LPO: variants seen among roughly 807,000 people sequenced by gnomAD.
LPO encodes salivary peroxidase.
In LPO, 70 loss-of-function variants were observed where a neutral mutation model predicts 68.4. That is an observed-to-expected ratio of 1.02 (90% CI 0.84 to 1.25). LPO has a LOEUF of 1.25. Ranked by LOEUF, LPO falls within the 50% of genes most tolerant of loss-of-function variation. The probability of loss-of-function intolerance (pLI) is 0.00; values close to 1 mark genes in which losing one functional copy is unlikely to be tolerated. For synonymous variants in LPO, 360 were observed against 357.6 expected, an observed-to-expected ratio of 1.01 and a Z score of -0.08; for missense variants, 873 against 908.4, an observed-to-expected ratio of 0.96 and a Z score of 0.50.
intron 7 of LPO, chr17:58,251,837 G>A: frequency 3.5e-6 from 2 of 567,342 alleles, no homozygotes; most frequent in South Asian, 2.8e-5. Context: ...TAAATACATG[G>A]CAGCTGTTGT....
intron 8 of LPO, among the ~76,000 whole-genome samples, chr17:58,254,387 T>G (rs904315289): frequency 2.6e-5 from 4 of 152,054 alleles, no homozygotes; most frequent in African/African-American, 9.7e-5. Flanking sequence ...AAACCCGCAT[T>G]CCTAAAACCT....
At position 58,243,067 on chromosome 17, in the gene LPO, C is replaced by A. The variant is rs1489851069; in HGVS notation, c.76+12C>A. The A allele has an allele frequency of 1.9e-6, 3 of 1,613,394 alleles. No homozygotes were observed. Among genetic ancestry groups the A allele is most frequent in the Non-Finnish European group, 2.5e-6 (3 of 1,179,698 alleles). ...ATCTACCACAAGAGGTGAGTGTCTC[C>A]CTTTACGGGTTTTCTGGGGCTGCTG... is the stretch of plus-strand genomic sequence containing the variant. On this transcript the variant is annotated intron_variant, in intron 2 of 12. Coordinates refer to ENST00000262290, the MANE Select transcript of LPO (RefSeq NM_006151.3).
intron 9 of LPO, among the ~76,000 whole-genome samples, chr17:58,257,488 G>A (rs1404769851): frequency 6.6e-6 from 1 of 151,964 alleles, no homozygotes; most frequent in South Asian, 2.1e-4. Context: ...CTTTTTTATG[G>A]CTGAATAGTA....
chr17:58,266,316 TG>T lies in LPO; in HGVS notation c.1686del (p.Gln563AsnfsTer19). ...TCAACACACAGCGTTGCCGGGACCA[TG>T]GGCAACCTGGTGAGTGTCTGAAGTC... ...AINTQRCRDH[G>X]QPGYNSWRAF... is the part of the protein sequence containing the mutation. On this transcript the variant is annotated frameshift_variant, in exon 11 of 13. Coordinates refer to ENST00000262290, the MANE Select transcript of LPO (RefSeq NM_006151.3). LOFTEE classifies it high-confidence loss of function. 1.9e-6 allele frequency: 3 copies of T among 1,614,020 alleles called. No homozygotes were observed. The highest frequency in any genetic ancestry group is 2.5e-6 in the Non-Finnish European group (3 of 1,180,018).
At position 58,249,553 on chromosome 17, in the gene LPO, G is replaced by A. The variant is rs772152184; in HGVS notation, c.444-13G>A. On this transcript the variant is annotated splice_polypyrimidine_tract_variant and intron_variant, in intron 5 of 12. Coordinates refer to ENST00000262290, the MANE Select transcript of LPO (RefSeq NM_006151.3). The stretch of plus-strand genomic sequence containing the variant: ...GGCCTGCCGAAGCTCAGCGAGGATC[G>A]TGCTGGTTTCAGGAGGAAGCCTGCG... The A allele has an allele frequency of 3.1e-6, 5 of 1,602,968 alleles. No homozygotes were observed. In the South Asian group the frequency reaches 5.5e-5, roughly 18 times the overall value.
chr17:58,252,191 A>C lies in LPO; in HGVS notation c.790A>C (p.Asn264His). 6.2e-7 allele frequency: 1 copy of C among 1,613,728 alleles called. No homozygotes were observed. Among genetic ancestry groups the C allele is most frequent in the Non-Finnish European group, 8.5e-7 (1 of 1,179,758 alleles). ...CCCACTCTCTCTGCAGTTCCCACCC[A>C]ATGACCCCAAGGCGGGGACTCAAGG... ...DNCFPIMFPPNDPKAGTQGKC... is the reference protein window; with the variant it reads ...DNCFPIMFPPHDPKAGTQGKC... The change falls in exon 8 of 13, where the codon AAT becomes CAT. Residue 264 changes from asparagine (N) to histidine (H), a missense_variant. Asn to His is a moderately conservative substitution (Grantham distance 68, BLOSUM62 1). Transcript: ENST00000262290.
intron 1 of LPO, among the ~76,000 whole-genome samples, chr17:58,242,569 A>C (rs8178289): frequency 0.12 from 17,642 of 152,210 alleles, 1,290 homozygotes; most frequent in Non-Finnish European, 0.16. Context: ...CACACCTGTG[A>C]CAAGACAGGT....
intron 9 of LPO, among the ~76,000 whole-genome samples, chr17:58,260,079 C>T (rs1970148148): frequency 3.9e-5 from 6 of 152,250 alleles, no homozygotes; most frequent in Admixed American, 3.9e-4. Context: ...TCCTGAAGTG[C>T]TGGGATTACA....
chr17:58,256,491 G>T (rs1970073989), intron 9 of LPO, among the ~76,000 whole-genome samples: 2 of 151,510 alleles, frequency 1.3e-5, no homozygotes, highest in African/African-American at 2.4e-5. Flanking sequence ...CTTGATAAGG[G>T]CATACAATGT....
chr17:58,242,051 C>A (rs367720279), intron 1 of LPO, among the ~76,000 whole-genome samples: 1 of 152,104 alleles, frequency 6.6e-6, no homozygotes, highest in African/African-American at 2.4e-5. Flanking sequence ...AGAGCACAGG[C>A]GCCCTTGTGA....
chr17:58,253,283 C>T (rs902832739), intron 8 of LPO, among the ~76,000 whole-genome samples: 2 of 152,060 alleles, frequency 1.3e-5, no homozygotes, highest in South Asian at 4.1e-4. Context: ...TTAATGGCTG[C>T]CTGGTATTTC....
chr17:58,254,627 T>A (rs1291212268), intron 8 of LPO, 184 bp from the exon 9 acceptor site: 1 of 575,002 alleles, frequency 1.7e-6, no homozygotes, highest in Middle Eastern at 4.7e-4. Flanking sequence ...TATATAGAAC[T>A]GAGAGTCAAA....
chr17:58,250,528 C>G lies in LPO; in HGVS notation c.687C>G (p.Asp229Glu). The G allele has an allele frequency of 6.2e-7, 1 of 1,614,140 alleles. No homozygotes were observed. Among genetic ancestry groups the G allele is most frequent in the South Asian group, 1.1e-5 (1 of 91,076 alleles). ...QWGQIVDHDL[D>E]FAPDTELGSS... ...GTCAGATTGTGGATCATGACCTGGA[C>G]TTTGCCCCTGACACCGAGCTGGGGA... The change falls in exon 7 of 13, where the codon GAC becomes GAG. Residue 229 changes from aspartate to glutamate, a missense_variant. By Grantham distance (45) the Asp-to-Glu change is conservative. Coordinates refer to ENST00000262290, the MANE Select transcript of LPO (RefSeq NM_006151.3).
chr17:58,253,296 G>A (rs1205457306), intron 8 of LPO, among the ~76,000 whole-genome samples: 1 of 152,062 alleles, frequency 6.6e-6, no homozygotes, highest in Non-Finnish European at 1.5e-5. Flanking sequence ...GGTATTTCAT[G>A]ACACATATTA....
intron 5 of LPO, 158 bp from the exon 6 acceptor site, chr17:58,249,408 T>G: frequency 1.7e-6 from 2 of 1,199,354 alleles, no homozygotes; most frequent in Non-Finnish European, 2.3e-6. Flanking sequence ...GCCCCGCGCC[T>G]TCAGGGGGTG....
chr17:58,251,955 T>C, intron 7 of LPO: 1 of 743,684 alleles, frequency 1.3e-6, no homozygotes, highest in Non-Finnish European at 2.5e-6. Context: ...CTGTGAGGAC[T>C]GAATGATTAC....
intron 10 of LPO, 72 bp downstream of exon 10, chr17:58,265,046 G>A (rs1970238095): frequency 6.3e-7 from 1 of 1,580,608 alleles, no homozygotes; most frequent in Non-Finnish European, 8.6e-7. Flanking sequence ...AACTTGGGTT[G>A]GAAGTCAGAT....
intron 1 of LPO, among the ~76,000 whole-genome samples, chr17:58,239,649 C>T (rs554818498): frequency 4.3e-4 from 66 of 152,174 alleles, no homozygotes; most frequent in African/African-American, 1.6e-3. Context: ...CTTCTCAGGC[C>T]TTCCCCCTAT....
chr17:58,247,387 T>C, intron 3 of LPO, 91 bp from the exon 4 acceptor site: 1 of 1,199,878 alleles, frequency 8.3e-7, no homozygotes, highest in Non-Finnish European at 1.2e-6. Context: ...TATGAGGCCA[T>C]GTTGTACACA....
Sources: gnomAD v4.1 joint callset for allele counts (sites outside exome capture counted in the v4.1 genomes callset) on GRCh38, gnomAD v4.1.1 for gene constraint, MANE v1.5 for transcripts, NCBI Gene and HGNC (gene_info 2026-07-23, HGNC 2026-07-21) for gene names.